KIF26B: variants seen among roughly 807,000 people sequenced by gnomAD.
KIF26B encodes the protein kinesin-like protein KIF26B.
A neutral mutation model predicts 151.2 loss-of-function variants in KIF26B; 63 were observed. The observed-to-expected ratio is 0.42, with a 90% CI of 0.34 to 0.51. The LOEUF (loss-of-function observed/expected upper bound fraction) is 0.51. KIF26B is among the 20% of genes least tolerant of loss of function. The pLI is 0.07. For missense variants in KIF26B, 2,813 were observed against 2,913.6 expected (o/e 0.97, Z 0.79); for synonymous variants, 1,357 against 1,262.1 (o/e 1.08, Z -1.59).
At chr1:245,338,240 C>T (rs1300269066) in intron 2 of KIF26B, among the ~76,000 whole-genome samples, 1 of 152,230 alleles carries the variant, frequency 6.6e-6, no homozygotes, top group African/African-American at 2.4e-5. Flanking sequence ...AGAGTACAGG[C>T]TTCCATTATG....
At chr1:245,608,076 C>G (rs868841494) in intron 7 of KIF26B, among the ~76,000 whole-genome samples, 1 of 152,108 alleles carries the variant, frequency 6.6e-6, no homozygotes, top group African/African-American at 2.4e-5. Context: ...GCAGATAGGG[C>G]CCCTTGCACC....
In KIF26B at chr1:245,686,049, C is replaced by T. The variant is rs550545907; in HGVS notation, c.3066C>T (p.Pro1022=). Residue 1022 remains proline, a synonymous_variant, in exon 12 of 15, where the codon CCC becomes CCT. Transcript: ENST00000407071. This position sits in a 1 kb window ranked among gnomAD's most constrained non-coding sequence, Gnocchi z 5.6. ...CCCACAGCCCCAGCCCGGCCTCACC[C>T]AGGAGCGTCCCGGGCAGCAGTAGCC... is the stretch of plus-strand genomic sequence containing the variant. The part of the protein sequence containing the change: ...APAHSPSPAS[P]RSVPGSSSQH... 2 of 1,595,332 alleles carry T rather than the reference C, an allele frequency of 1.3e-6. No homozygotes were observed. Among genetic ancestry groups the T allele is most frequent in the African/African-American group, 2.7e-5 (2 of 74,552 alleles).
At chr1:245,454,607 A>G (rs937453078) in intron 4 of KIF26B, among the ~76,000 whole-genome samples, 2 of 152,202 alleles carry the variant, frequency 1.3e-5, no homozygotes, top group Non-Finnish European at 2.9e-5. Flanking sequence ...GCCTTCATAC[A>G]ATGCATTTGA....
chr1:245,707,927 G>A lies in KIF26B; in HGVS notation c.*5321G>A, dbSNP rs201339836. ...CCCTAAGACTCCCATCCAACCCCTA[G>A]TGCTACTGAAGAGGGTTTGGGAAAG... is the stretch of plus-strand genomic sequence containing the variant. On this transcript the variant is annotated 3_prime_UTR_variant, in exon 15 of 15. Transcript: ENST00000407071. 4 of 152,360 alleles carry A rather than the reference G, an allele frequency of 2.6e-5. No homozygotes were observed. In the South Asian group the frequency reaches 6.2e-4, roughly 24 times the overall value. The allele number at this position is 152,360 out of a possible 1,614,324, so 9.4% of individuals were successfully genotyped here. A position where few individuals can be genotyped will look rare whatever the true frequency, so the allele number is the denominator to read the frequency against.
chr1:245,269,628 C>T (rs1000776667), intron 2 of KIF26B, among the ~76,000 whole-genome samples: 2 of 151,844 alleles, frequency 1.3e-5, no homozygotes, highest in Non-Finnish European at 2.9e-5. Flanking sequence ...CCACGCCAAG[C>T]TAATTTTTGT....
At chr1:245,246,908 GAC>G (rs1670342633) in intron 2 of KIF26B, among the ~76,000 whole-genome samples, 1 of 133,636 alleles carries the variant, frequency 7.5e-6, no homozygotes, top group East Asian at 2.2e-4. Context: ...CACACACACA[GAC>G]ACAGACACAC....
At chr1:245,242,991 A>T (rs2941280) in intron 2 of KIF26B, among the ~76,000 whole-genome samples, 89,875 of 151,936 alleles carry the variant, frequency 0.59, 27,713 homozygotes, top group Non-Finnish European at 0.68. Flanking sequence ...GACATTTCGG[A>T]TTTTTCCCTC....
intron 14 of KIF26B, 88 bp downstream of exon 14, chr1:245,699,125 A>G: frequency 7.3e-7 from 1 of 1,370,532 alleles, no homozygotes; most frequent in Non-Finnish European, 1.0e-6. Context: ...ACAGTGACAC[A>G]GGCTGTGTCC....
chr1:245,175,927 T>C (rs1391718084), intron 2 of KIF26B, among the ~76,000 whole-genome samples: 1 of 122,716 alleles, frequency 8.1e-6, no homozygotes. Context: ...TATATCTATA[T>C]ATTTAGATGT....
intron 2 of KIF26B, chr1:245,206,554 G>C (rs1238260866): frequency 1.3e-5 from 2 of 152,232 alleles, no homozygotes; most frequent in Non-Finnish European, 2.9e-5. Flanking sequence ...AGCTATGCAG[G>C]CAGTTATTGA....
At position 245,155,354 on chromosome 1, in the gene KIF26B, T is replaced by C. The variant is rs1668408775; in HGVS notation, c.-71T>C. 2.3e-6 allele frequency: 3 copies of C among 1,314,358 alleles called. No individual in the cohort carries two copies. The highest frequency in any genetic ancestry group is 5.0e-5 in the East Asian group (2 of 40,382). The allele number at this position is 1,314,358 out of a possible 1,614,324, so 81.4% of individuals were successfully genotyped here. ...CCAGCCCCCTGCAGCCGGGGGACGC[T>C]TCTGGGTTGGAGGACCTTCTGGATG... On this transcript the variant is annotated 5_prime_UTR_variant, in exon 1 of 15. Coordinates refer to ENST00000407071, the MANE Select transcript of KIF26B (RefSeq NM_018012.4).
intron 2 of KIF26B, among the ~76,000 whole-genome samples, chr1:245,208,167 C>T (rs749673389): frequency 1.3e-5 from 2 of 152,182 alleles, no homozygotes; most frequent in African/African-American, 4.8e-5. Context: ...GAAACCAAAG[C>T]GATAGGCTGG....
At chr1:245,201,993 G>C (rs1669307635) in intron 2 of KIF26B, among the ~76,000 whole-genome samples, 7 of 152,178 alleles carry the variant, frequency 4.6e-5, no homozygotes, top group Admixed American at 4.6e-4. Context: ...TTAAAGGCAG[G>C]AGGCCTGTTG....
At chr1:245,701,582 A>T (rs2044772922) in intron 14 of KIF26B, among the ~76,000 whole-genome samples, 1 of 152,172 alleles carries the variant, frequency 6.6e-6, no homozygotes, top group African/African-American at 2.4e-5. Context: ...TCTAAGCCCC[A>T]GTGTTTCCAT....
At chr1:245,407,157 C>T (rs1375530450) in intron 3 of KIF26B, among the ~76,000 whole-genome samples, 1 of 152,162 alleles carries the variant, frequency 6.6e-6, no homozygotes, top group African/African-American at 2.4e-5. Flanking sequence ...TTAAATTTGT[C>T]AGTTTGTGCA....
At chr1:245,231,100 A>C (rs1438146874) in intron 2 of KIF26B, among the ~76,000 whole-genome samples, 2 of 152,228 alleles carry the variant, frequency 1.3e-5, no homozygotes, top group Non-Finnish European at 2.9e-5. Flanking sequence ...AAGACAACAA[A>C]AATGAGATAA....
chr1:245,200,434 C>A (rs1242294108), intron 2 of KIF26B, among the ~76,000 whole-genome samples: 2 of 152,156 alleles, frequency 1.3e-5, no homozygotes, highest in East Asian at 3.8e-4. Flanking sequence ...TTTGGAATAT[C>A]ATTAATGCAA....
In KIF26B at chr1:245,572,811, G is replaced by A. The variant is rs1038295248; in HGVS notation, c.1351-29766G>A. ...CTGTGTGACCAAAAGCAGATCAACT[G>A]ATAAGGCCTTTTGTGGCTCAGATGT... On this transcript the variant is annotated intron_variant, in intron 5 of 14. Coordinates refer to ENST00000407071, the MANE Select transcript of KIF26B (RefSeq NM_018012.4). The surrounding 1 kb of genome is among the most constrained non-coding windows in gnomAD (Gnocchi z 4.2). Among the ~76,000 whole-genome samples, 5 of 152,116 alleles carry A rather than the reference G, an allele frequency of 3.3e-5. No individual in the cohort carries two copies. The highest frequency in any genetic ancestry group is 7.2e-5 in the African/African-American group (3 of 41,408).
chr1:245,692,216 G>A (rs892718586), intron 12 of KIF26B, among the ~76,000 whole-genome samples: 2 of 152,186 alleles, frequency 1.3e-5, no homozygotes, highest in African/African-American at 4.8e-5. Flanking sequence ...AGTTTCTGGT[G>A]TGTGGGTGGA....
Sources: gnomAD v4.1 joint callset for allele counts (sites outside exome capture counted in the v4.1 genomes callset) on GRCh38, gnomAD v4.1.1 for gene constraint, Gnocchi (gnomAD v3.1) non-coding constraint, MANE v1.5 for transcripts, NCBI Gene and HGNC (gene_info 2026-07-23, HGNC 2026-07-21) for gene names.